Variants in DCP1B observed in about 807,000 individuals in gnomAD.
DCP1B encodes decapping mRNA 1B.
A neutral mutation model predicts 60.5 loss-of-function variants in DCP1B; 47 were observed. The observed-to-expected ratio is 0.78, with a 90% CI of 0.61 to 0.99. DCP1B has a LOEUF of 0.99. Among genes scored for constraint, DCP1B ranks in the 50% least tolerant of loss-of-function variants. The pLI is 0.00. For missense variants in DCP1B, 725 were observed against 756.8 expected (o/e 0.96, Z 0.49); for synonymous variants, 267 against 280.3 (o/e 0.95, Z 0.47).
chr12:1,966,224 A>T (rs960954744), intron 4 of DCP1B: 4 of 152,248 alleles, frequency 2.6e-5, no homozygotes, highest in African/African-American at 7.2e-5. Context: ...CTTGAAGTCA[A>T]GGCAAGGTTG....
At chr12:2,001,656 A>T (rs2042219589) in intron 1 of DCP1B, among the ~76,000 whole-genome samples, 1 of 152,220 alleles carries the variant, frequency 6.6e-6, no homozygotes, top group African/African-American at 2.4e-5. Flanking sequence ...GAGGCTTTCA[A>T]CAATATGAAA....
At chr12:1,999,495 C>T (rs919146937) in intron 1 of DCP1B, among the ~76,000 whole-genome samples, 11 of 152,100 alleles carry the variant, frequency 7.2e-5, no homozygotes, top group African/African-American at 2.2e-4. Context: ...GCAGGAGGAT[C>T]GCTTGTGGCC....
intron 2 of DCP1B, among the ~76,000 whole-genome samples, chr12:1,993,665 T>C (rs1397459278): frequency 6.6e-6 from 1 of 152,046 alleles, no homozygotes; most frequent in African/African-American, 2.4e-5. Context: ...TGTATACAGA[T>C]GTTGTTTATT....
chr12:1,957,300 C>T (rs2030918237), intron 5 of DCP1B, among the ~76,000 whole-genome samples: 1 of 152,030 alleles, frequency 6.6e-6, no homozygotes, highest in African/African-American at 2.4e-5. Context: ...ACAATAAAAC[C>T]TCAAAAAGTA....
chr12:2,004,080 T>C lies in DCP1B; in HGVS notation c.150+202A>G. 5.7e-6 allele frequency: 4 copies of C among 696,832 alleles called. No homozygotes were observed. The South Asian group carries it at 7.5e-5, about 13-fold the overall frequency. The allele number at this position is 696,832 out of a possible 1,614,324, so 43.2% of individuals were successfully genotyped here. A position where few individuals can be genotyped will look rare whatever the true frequency, so the allele number is the denominator to read the frequency against. ...TAGAGATTTAAGTCTTTTCCCCAAC[T>C]CCAGGTAGCTCCACAGATCCGCCTT... On this transcript the variant is annotated intron_variant, in intron 1 of 8. Coordinates refer to ENST00000280665, the MANE Select transcript of DCP1B (RefSeq NM_152640.5).
intron 1 of DCP1B, among the ~76,000 whole-genome samples, chr12:1,999,985 G>A (rs1301691030): frequency 1.3e-5 from 2 of 152,042 alleles, no homozygotes; most frequent in African/African-American, 4.8e-5. Flanking sequence ...AACAAACATG[G>A]TTAATTCCTA....
At chr12:1,941,975 A>G (rs1007532336), downstream of DCP1B, among the ~76,000 whole-genome samples, 3 of 152,230 alleles carry the variant, frequency 2.0e-5, no homozygotes, top group Non-Finnish European at 4.4e-5. Flanking sequence ...AAATGCCCCA[A>G]TTAAAAGACA....
intron 7 of DCP1B, 74 bp downstream of exon 7, chr12:1,952,340 CTT>C (rs35978908): frequency 6.2e-3 from 8,082 of 1,299,508 alleles, no homozygotes; most frequent in South Asian, 0.017. Flanking sequence ...AGCCTGGCTA[CTT>C]TTTTTTTTTT....
At chr12:1,980,715 C>G (rs938193292) in intron 3 of DCP1B, among the ~76,000 whole-genome samples, 4 of 112,600 alleles carry the variant, frequency 3.6e-5, no homozygotes, top group African/African-American at 1.3e-4. Flanking sequence ...TATTTCGTTG[C>G]TTCTATAAAA....
chr12:1,989,130 T>C (rs1282172611), intron 3 of DCP1B, among the ~76,000 whole-genome samples: 2 of 152,340 alleles, frequency 1.3e-5, no homozygotes, highest in Non-Finnish European at 1.5e-5. Flanking sequence ...CCGCCTGTAA[T>C]GCCAACTACT....
At chr12:1,999,080 G>A (rs1367105812) in intron 1 of DCP1B, among the ~76,000 whole-genome samples, 3 of 152,196 alleles carry the variant, frequency 2.0e-5, no homozygotes, top group Admixed American at 1.3e-4. Context: ...CCAGATCAGC[G>A]GCATCAGCGT....
At chr12:2,000,802 C>T (rs1332045280) in intron 1 of DCP1B, among the ~76,000 whole-genome samples, 3 of 152,096 alleles carry the variant, frequency 2.0e-5, no homozygotes, top group Non-Finnish European at 4.4e-5. Context: ...TTTGGGAGGC[C>T]GAGGCGGGTG....
intron 7 of DCP1B, 78 bp from the exon 8 acceptor site, chr12:1,949,412 G>A: frequency 3.8e-6 from 6 of 1,574,782 alleles, no homozygotes; most frequent in Non-Finnish European, 5.2e-6. Context: ...GCAGATACGG[G>A]TGGTCTAAGC....
At chr12:1,967,786 T>G in intron 4 of DCP1B, 58 bp downstream of exon 4, 1 of 1,462,892 alleles carries the variant, frequency 6.8e-7, no homozygotes, top group Non-Finnish European at 9.5e-7. Context: ...TTACACACAC[T>G]TAGAAATACA....
In DCP1B at chr12:1,989,635, C is replaced by G. The variant is rs567318552; in HGVS notation, c.319+3629G>C. On this transcript the variant is annotated intron_variant, in intron 3 of 8. Coordinates refer to ENST00000280665, the MANE Select transcript of DCP1B (RefSeq NM_152640.5). ...GGCTGAGGCAGGAGAATTGCTTGAA[C>G]TTGGGAGGTGGAGGCTGCAATAAGC... Among the ~76,000 whole-genome samples the G allele has an allele frequency of 8.5e-5, 13 of 152,320 alleles. No homozygotes were observed. In the South Asian group the frequency reaches 2.7e-3, roughly 32 times the overall value.
At position 1,996,632 on chromosome 12, in the gene DCP1B, AAAAAAAAAAAAAAAAAAAAAAAACAAC is replaced by A. The variant is rs1302780648; in HGVS notation, c.191+1276_191+1302del. On this transcript the variant is annotated intron_variant, in intron 2 of 8. Transcript: ENST00000280665. ...CTGATGAGCTAAAAAAAAAAAAAAA[AAAAAAAAAAAAAAAAAAAAAAAACAAC>A]AAACTCTTCTAATGTTTTAAAGAAG... Among the ~76,000 whole-genome samples, 68 of 108,924 alleles carry A rather than the reference AAAAAAAAAAAAAAAAAAAAAAAACAAC, an allele frequency of 6.2e-4. 3 individuals are homozygous for A. The East Asian group carries it at 9.3e-3, about 15-fold the overall frequency. 71.5% of individuals were successfully genotyped at this position (108,924 alleles called of 152,430 possible). A position where few individuals can be genotyped will look rare whatever the true frequency, so the allele number is the denominator to read the frequency against.
intron 3 of DCP1B, among the ~76,000 whole-genome samples, chr12:1,988,461 G>C (rs1477429631): frequency 3.3e-5 from 5 of 152,258 alleles, no homozygotes; most frequent in South Asian, 4.1e-4. Context: ...CATTCTGCAG[G>C]GTGGGTCAAT....
At chr12:1,997,061 T>C (rs2041100784) in intron 2 of DCP1B, among the ~76,000 whole-genome samples, 1 of 152,212 alleles carries the variant, frequency 6.6e-6, no homozygotes, top group Admixed American at 6.5e-5. Flanking sequence ...ATATACATAA[T>C]GTATGTCTCT....
chr12:1,965,808 A>AT (rs2031276032), intron 4 of DCP1B, 115 bp from the exon 5 acceptor site: 5 of 1,275,282 alleles, frequency 3.9e-6, no homozygotes, highest in Non-Finnish European at 5.2e-6. Context: ...CATATTAGAA[A>AT]TAAGCTTGCT....
Sources: allele counts gnomAD v4.1 joint callset (sites outside exome capture counted in the v4.1 genomes callset), GRCh38; gene constraint gnomAD v4.1.1; transcripts MANE v1.5; gene names NCBI Gene and HGNC (gene_info 2026-07-23, HGNC 2026-07-21).